MMD2: variants seen among roughly 807,000 people sequenced by gnomAD.
The protein encoded by MMD2 is monocyte to macrophage differentiation associated 2.
A neutral mutation model predicts 33.5 loss-of-function variants in MMD2; 30 were observed. The ratio of observed to expected loss-of-function variants is 0.90; its 90% CI spans 0.67 to 1.22. MMD2 has a LOEUF of 1.22. Among genes scored for constraint, MMD2 ranks in the 50% most tolerant of loss-of-function variants. MMD2 has a pLI of 0.00. For synonymous variants in MMD2, 129 were observed against 123.0 expected, an observed-to-expected ratio of 1.05 and a Z score of -0.32; for missense variants, 364 against 325.4, an observed-to-expected ratio of 1.12 and a Z score of -0.91.
At chr7:4,896,626 G>A in the MMD2 span, among the ~76,000 whole-genome samples, 1 of 152,242 alleles carries the variant, frequency 6.6e-6, no homozygotes, top group Non-Finnish European at 1.5e-5. Context: ...TAGCTGAGCC[G>A]CAGACTCTAA....
At chr7:4,953,446 A>G (rs749568998) in intron 1 of MMD2, among the ~76,000 whole-genome samples, 7 of 144,862 alleles carry the variant, frequency 4.8e-5, no homozygotes, top group Non-Finnish European at 7.6e-5. Context: ...CCTCAGCCTG[A>G]GTGGTTTCAT....
rs867583079 is a variant in MMD2, at chr7:4,907,586, C to T, written c.551G>A (p.Gly184Asp). The change falls in exon 7 of 7, where the codon GGC (glycine) becomes GAC (aspartate). Residue 184 changes from glycine to aspartate, a missense_variant. Physicochemically the swap from Gly to Asp is moderately conservative, Grantham distance 94. Coordinates refer to ENST00000401401, the MANE Select transcript of MMD2 (RefSeq NM_198403.4). ...LVILSMPNTE[G>D]IWELVTGGVF... is the part of the protein sequence containing the mutation. ...CCCTCCGGTCACCAGCTCCCAGATGCCCTCGGTGTTGGGCTGTCGGCAAGG... is the reference window on the plus strand; with the variant it reads ...CCCTCCGGTCACCAGCTCCCAGATGTCCTCGGTGTTGGGCTGTCGGCAAGG... 6.2e-7 allele frequency: 1 copy of T among 1,612,496 alleles called. No individual in the cohort carries two copies.
chr7:4,901,006 G>C (rs1784787031), downstream of MMD2, among the ~76,000 whole-genome samples: 1 of 151,928 alleles, frequency 6.6e-6, no homozygotes, highest in African/African-American at 2.4e-5. Context: ...CGGGTATGGT[G>C]GTGGGCGCCT....
the MMD2 span, among the ~76,000 whole-genome samples, chr7:4,898,459 A>G: frequency 2.0e-5 from 3 of 152,252 alleles, no homozygotes; most frequent in Admixed American, 6.5e-5. Context: ...GGTTGCAACC[A>G]GTAATTTGAA....
At chr7:4,951,805 G>T (rs529390145) in intron 1 of MMD2, among the ~76,000 whole-genome samples, 2 of 152,158 alleles carry the variant, frequency 1.3e-5, no homozygotes, top group African/African-American at 2.4e-5. Context: ...TTGCTATGTT[G>T]CCCAGACTGG....
At chr7:4,924,121 G>A (rs1026578558) in intron 2 of MMD2, among the ~76,000 whole-genome samples, 6 of 152,206 alleles carry the variant, frequency 3.9e-5, no homozygotes, top group Non-Finnish European at 7.3e-5. Flanking sequence ...GAACCCAGGA[G>A]GCAGAGCTTG....
chr7:4,900,339 T>C, the MMD2 span, among the ~76,000 whole-genome samples: 2 of 152,126 alleles, frequency 1.3e-5, no homozygotes, highest in African/African-American at 4.8e-5. Flanking sequence ...GGGATGTGAA[T>C]GTGTGCACGT....
At chr7:4,958,202 G>C (rs945599362) in intron 1 of MMD2, among the ~76,000 whole-genome samples, 4 of 152,158 alleles carry the variant, frequency 2.6e-5, no homozygotes, top group African/African-American at 4.8e-5. Context: ...ACTGGGGACC[G>C]AGGAGCAACT....
chr7:4,897,277 A>AT, the MMD2 span, among the ~76,000 whole-genome samples: 5,393 of 143,566 alleles, frequency 0.038, 326 homozygotes, highest in African/African-American at 0.13. Context: ...AGACATCTTG[A>AT]TTTTTTTTTT....
At chr7:4,930,919 C>T (rs1474467659) in intron 1 of MMD2, among the ~76,000 whole-genome samples, 2 of 152,022 alleles carry the variant, frequency 1.3e-5, no homozygotes, top group Non-Finnish European at 2.9e-5. Flanking sequence ...GGCGCGATCT[C>T]GGCTGACTGC....
At chr7:4,932,098 AAGGGTG>A (rs1415324840) in intron 1 of MMD2, among the ~76,000 whole-genome samples, 2 of 152,132 alleles carry the variant, frequency 1.3e-5, no homozygotes, top group Non-Finnish European at 1.5e-5. Flanking sequence ...GGAAACCACC[AAGGGTG>A]CCAGCCACAT....
chr7:4,939,574 A>T (rs1785844646), intron 1 of MMD2, among the ~76,000 whole-genome samples: 1 of 152,066 alleles, frequency 6.6e-6, no homozygotes, highest in Admixed American at 6.6e-5. Context: ...AAACTACCCA[A>T]ATGCCCACCA....
intron 3 of MMD2, among the ~76,000 whole-genome samples, chr7:4,916,361 C>G (rs555600549): frequency 6.7e-6 from 1 of 150,072 alleles, no homozygotes; most frequent in Non-Finnish European, 1.5e-5. Context: ...ATTGAACATC[C>G]TCCGTCCCAC....
At chr7:4,913,547 A>T (rs1416750880) in intron 4 of MMD2, among the ~76,000 whole-genome samples, 1 of 151,832 alleles carries the variant, frequency 6.6e-6, no homozygotes, top group African/African-American at 2.4e-5. Context: ...GTGAAACCCC[A>T]TCTCCACTAA....
At chr7:4,902,921 T>A (rs1003569838), downstream of MMD2, among the ~76,000 whole-genome samples, 2 of 152,118 alleles carry the variant, frequency 1.3e-5, no homozygotes, top group African/African-American at 4.8e-5. Context: ...AAGGAAATGC[T>A]CTGTAGCTTT....
At chr7:4,932,587 G>A (rs903501398) in intron 1 of MMD2, among the ~76,000 whole-genome samples, 15 of 149,750 alleles carry the variant, frequency 1.0e-4, no homozygotes, top group Non-Finnish European at 7.4e-5. Context: ...AGTGCCAGCC[G>A]GGCAGCTAAG....
intron 1 of MMD2, among the ~76,000 whole-genome samples, chr7:4,935,713 A>C (rs918091416): frequency 6.7e-6 from 1 of 150,328 alleles, no homozygotes; most frequent in East Asian, 2.0e-4. Context: ...AAAATTGTAT[A>C]CGTTGATGGT....
At chr7:4,908,851 C>T (rs963569050) in intron 6 of MMD2, among the ~76,000 whole-genome samples, 1 of 149,106 alleles carries the variant, frequency 6.7e-6, no homozygotes, top group Non-Finnish European at 1.5e-5. Context: ...AAGCCGAGAT[C>T]GTGCCACTGC....
intron 2 of MMD2, among the ~76,000 whole-genome samples, chr7:4,923,101 C>T (rs890950541): frequency 4.1e-5 from 6 of 145,022 alleles, no homozygotes; most frequent in Non-Finnish European, 7.6e-5. Context: ...CAATTCAGCA[C>T]TTTTTTTTTT....
Sources: gnomAD v4.1 joint callset for allele counts (sites outside exome capture counted in the v4.1 genomes callset) on GRCh38, gnomAD v4.1.1 for gene constraint, MANE v1.5 for transcripts, NCBI Gene and HGNC (gene_info 2026-07-23, HGNC 2026-07-21) for gene names.